The following USP18 variants were observed in gnomAD, a reference collection of about 807,000 sequenced individuals.
USP18 encodes ubl carboxyl-terminal hydrolase 18.
USP18 carries 11 observed loss-of-function variants against 48.7 expected under a neutral mutation model. The observed-to-expected ratio is 0.23, with a 90% CI of 0.14 to 0.37. The LOEUF (loss-of-function observed/expected upper bound fraction) is 0.37, where lower values mean the gene tolerates loss of function less well. Among genes scored for constraint, USP18 ranks in the 10% least tolerant of loss-of-function variants. The probability of loss-of-function intolerance (pLI) is 1.00; values close to 1 mark genes in which losing one functional copy is unlikely to be tolerated. For synonymous variants in USP18, 114 were observed against 163.2 expected, an observed-to-expected ratio of 0.70 and a Z score of 2.30; for missense variants, 285 against 436.4, an observed-to-expected ratio of 0.65 and a Z score of 3.09.
intron 6 of USP18, among the ~76,000 whole-genome samples, chr22:18,169,523 C>T (rs1195198331): frequency 1.3e-5 from 2 of 152,216 alleles, no homozygotes; most frequent in African/African-American, 2.4e-5. Context: ...TTGCGGTGAA[C>T]TGAGATCGCG....
intron 7 of USP18, 47 bp downstream of exon 7, chr22:18,169,986 G>A: frequency 6.5e-7 from 1 of 1,545,534 alleles, no homozygotes; most frequent in African/African-American, 1.4e-5. Context: ...GTGCATATGG[G>A]GGATTTGTTC....
At chr22:18,172,753 T>TA (rs1367042660) in intron 8 of USP18, among the ~76,000 whole-genome samples, 2 of 150,874 alleles carry the variant, frequency 1.3e-5, no homozygotes, top group East Asian at 3.9e-4. Flanking sequence ...CTGCCGCCCT[T>TA]GCCCTCTGTC....
chr22:18,150,938 G>A (rs1002257621), intron 1 of USP18, among the ~76,000 whole-genome samples: 18 of 152,352 alleles, frequency 1.2e-4, no homozygotes, highest in African/African-American at 4.3e-4. Context: ...GCGACAGAGC[G>A]AAACTGTCTC....
In USP18 at chr22:18,173,229, G is replaced by A. The variant is rs371265414; in HGVS notation, c.971G>A (p.Arg324Gln). The A allele has an allele frequency of 5.2e-5, 84 of 1,607,448 alleles. No homozygotes were observed. The Middle Eastern group carries it at 6.6e-4, about 13-fold the overall frequency. The change falls in exon 9 of 11, where the codon CGG becomes CAG. Residue 324 changes from arginine to glutamine, a missense_variant. Coordinates refer to ENST00000215794, the MANE Select transcript of USP18 (RefSeq NM_017414.4). ...ADSGHYCVYIRNAVDGKWFCF... is the reference protein window; with the variant it reads ...ADSGHYCVYIQNAVDGKWFCF... ...TCCGGTCATTACTGTGTCTACATCCGGAATGCTGTGGATGGAAAATGGTTC... is the reference window on the plus strand; with the variant it reads ...TCCGGTCATTACTGTGTCTACATCCAGAATGCTGTGGATGGAAAATGGTTC...
intron 1 of USP18, among the ~76,000 whole-genome samples, chr22:18,156,095 G>C (rs1211184911): frequency 6.6e-6 from 1 of 152,124 alleles, no homozygotes; most frequent in East Asian, 1.9e-4. Flanking sequence ...TGCACCAGTC[G>C]ACCCTCTGAA....
rs745995084 is a variant in USP18 at position 18,160,247 on chromosome 22, A to G, written c.233A>G (p.Asp78Gly). 6.2e-6 allele frequency: 10 copies of G among 1,614,140 alleles called. No individual in the cohort carries two copies. The highest frequency in any genetic ancestry group is 7.6e-6 in the Non-Finnish European group (9 of 1,179,996). Residue 78 changes from aspartate to glycine, a missense_variant, in exon 3 of 11, where the codon GAC becomes GGC. By Grantham distance (94) the Asp-to-Gly change is moderately conservative (BLOSUM62 -1). Coordinates refer to ENST00000215794, the MANE Select transcript of USP18 (RefSeq NM_017414.4). ...SLIQVFVMNVDFTRILKRITV... is the reference protein window; with the variant it reads ...SLIQVFVMNVGFTRILKRITV... ...ATTCAGGTGTTCGTAATGAATGTGG[A>G]CTTCACCAGGATATTGAAGAGGTAA... is the stretch of plus-strand genomic sequence containing the variant.
Position 18,167,883 on chromosome 22 carries a change from C to A in USP18, c.481-7C>A. On this transcript the variant is annotated splice_polypyrimidine_tract_variant and splice_region_variant and intron_variant, in intron 5 of 10. Transcript: ENST00000215794. ...CCCATCTCACCTCTCCGCTCTCCCT[C>A]TTGCAGGTGGAGAGACTGCAGGCCC... 1.2e-6 allele frequency: 2 copies of A among 1,612,472 alleles called. No individual in the cohort carries two copies. Among genetic ancestry groups the A allele is most frequent in the South Asian group, 2.2e-5 (2 of 91,010 alleles).
intron 4 of USP18, 48 bp from the exon 5 acceptor site, chr22:18,167,207 C>T (rs554121984): frequency 4.2e-5 from 68 of 1,606,214 alleles, no homozygotes; most frequent in South Asian, 7.7e-5. Context: ...GCATGAGAAG[C>T]GACTCTGAAG....
chr22:18,167,653 G>A (rs540118195), intron 5 of USP18, among the ~76,000 whole-genome samples: 186 of 143,852 alleles, frequency 1.3e-3, no homozygotes, highest in African/African-American at 4.5e-3. Flanking sequence ...AGCCGAGATC[G>A]CGCCACTGCA....
rs1454472714 is a variant in USP18 at position 18,157,723 on chromosome 22, G to A, written c.60G>A (p.Ser20=). The part of the protein sequence containing the change: ...QICQSILAES[S]QSPADLEEKK... ...GTCAGTCCATCCTGGCTGAGTCCTC[G>A]CAGTCCCCGGCAGATCTTGAAGAAA... Residue 20 remains serine (S), a synonymous_variant, in exon 2 of 11, where the codon TCG becomes TCA. Transcript: ENST00000215794. 1 of 1,613,932 alleles carries A rather than the reference G, an allele frequency of 6.2e-7. No homozygotes were observed. Among genetic ancestry groups the A allele is most frequent in the East Asian group, 2.2e-5 (1 of 44,866 alleles).
chr22:18,173,442 T>G (rs1385107619), intron 9 of USP18, among the ~76,000 whole-genome samples, 161 bp downstream of exon 9: 1 of 152,144 alleles, frequency 6.6e-6, no homozygotes, highest in Non-Finnish European at 1.5e-5. Flanking sequence ...CGGTCTGAAG[T>G]CCCCATGTGG....
At chr22:18,167,087 A>C (rs1390399417) in intron 4 of USP18, among the ~76,000 whole-genome samples, 168 bp from the exon 5 acceptor site, 2 of 152,128 alleles carry the variant, frequency 1.3e-5, no homozygotes, top group African/African-American at 4.8e-5. Flanking sequence ...TACCAAACTT[A>C]CTGTTCATTT....
At chr22:18,159,751 C>T (rs1472561316) in intron 2 of USP18, among the ~76,000 whole-genome samples, 1 of 147,030 alleles carries the variant, frequency 6.8e-6, no homozygotes, top group Admixed American at 6.8e-5. Context: ...TCTTGGCTCA[C>T]TGCAAGCTCC....
At chr22:18,175,839 C>T (rs1929771094) in intron 10 of USP18, among the ~76,000 whole-genome samples, 1 of 150,190 alleles carries the variant, frequency 6.7e-6, no homozygotes, top group Non-Finnish European at 1.5e-5. Flanking sequence ...TATAGCTAGG[C>T]ATGGTGGTAC....
Position 18,169,605 on chromosome 22 carries a change from G to C in USP18, c.628-239G>C, listed in dbSNP as rs1370926744. Among the ~76,000 whole-genome samples the C allele has an allele frequency of 2.0e-5, 3 of 152,122 alleles. No individual in the cohort carries two copies. In the East Asian group the frequency reaches 5.8e-4, roughly 29 times the overall value. On this transcript the variant is annotated intron_variant, in intron 6 of 10. Transcript: ENST00000215794. ...CAGGTAAGACACCTGCTCCTCCCAGGTAAGACACCTGCTCCTGCTTGGCCT... is the reference window on the plus strand; with the variant it reads ...CAGGTAAGACACCTGCTCCTCCCAGCTAAGACACCTGCTCCTGCTTGGCCT...
In USP18 at chr22:18,161,890, C is replaced by G. The variant is rs187908474; in HGVS notation, c.355C>G (p.Arg119Gly). ...KMQDSRQKAV[R>G]PLELAYCLQK... ...GCAGGACAGCCGGCAGAAAGCAGTG[C>G]GGCCCCTGGAGCTGGCCTACTGCCT... is the stretch of plus-strand genomic sequence containing the variant. Residue 119 changes from arginine to glycine, a missense_variant, in exon 4 of 11, where the codon CGG (arginine) becomes GGG (glycine). By Grantham distance (125) the Arg-to-Gly change is moderately radical. Transcript: ENST00000215794. The G allele has an allele frequency of 8.7e-6, 14 of 1,613,888 alleles. No homozygotes were observed. The highest frequency in any genetic ancestry group is 1.0e-5 in the Non-Finnish European group (12 of 1,179,980).
At chr22:18,153,246 T>C (rs1929044128) in intron 1 of USP18, among the ~76,000 whole-genome samples, 1 of 152,030 alleles carries the variant, frequency 6.6e-6, no homozygotes, top group Non-Finnish European at 1.5e-5. Flanking sequence ...CTGGCCAACA[T>C]GGTGAAACCC....
At chr22:18,166,517 A>G (rs567515892) in intron 4 of USP18, among the ~76,000 whole-genome samples, 1 of 151,852 alleles carries the variant, frequency 6.6e-6, no homozygotes, top group African/African-American at 2.4e-5. Context: ...TTTTGTTGGA[A>G]AATGAACATT....
At chr22:18,169,532 C>T (rs1377121030) in intron 6 of USP18, among the ~76,000 whole-genome samples, 8 of 152,160 alleles carry the variant, frequency 5.3e-5, no homozygotes, top group Non-Finnish European at 5.9e-5. Flanking sequence ...ACTGAGATCG[C>T]GCCCCTGCAC....
Sources: gnomAD v4.1 joint callset for allele counts (sites outside exome capture counted in the v4.1 genomes callset) on GRCh38, gnomAD v4.1.1 for gene constraint, MANE v1.5 for transcripts, NCBI Gene and HGNC (gene_info 2026-07-23, HGNC 2026-07-21) for gene names.